Variants in KCND3 observed in about 807,000 individuals in gnomAD.
KCND3 encodes the protein A-type voltage-gated potassium channel KCND3.
In KCND3, 9 loss-of-function variants were observed where a neutral mutation model predicts 51.1. The observed-to-expected ratio is 0.18, with a 90% CI of 0.11 to 0.31. The LOEUF is 0.31. KCND3 is among the 10% of genes least tolerant of loss of function. The pLI, the probability that KCND3 is intolerant of heterozygous loss-of-function variation, is 1.00. For synonymous variants in KCND3, 349 were observed against 368.0 expected, an observed-to-expected ratio of 0.95 and a Z score of 0.59; for missense variants, 526 against 903.8, an observed-to-expected ratio of 0.58 and a Z score of 5.36.
chr1:111,898,960 C>G (rs1261331187), intron 2 of KCND3, among the ~76,000 whole-genome samples: 3 of 152,184 alleles, frequency 2.0e-5, no homozygotes, highest in Non-Finnish European at 4.4e-5. Flanking sequence ...TTTTTCCCAT[C>G]ATCAATTATA....
At chr1:111,934,345 G>A (rs906456637) in intron 2 of KCND3, among the ~76,000 whole-genome samples, 3 of 152,182 alleles carry the variant, frequency 2.0e-5, no homozygotes, top group Admixed American at 6.5e-5. Context: ...CAGACGTGGG[G>A]CTCAGCCCAA....
Position 111,774,420 on chromosome 1 carries a change from GA to G in KCND3, c.*1656del, listed in dbSNP as rs1461615915. ...CAGGAAAGGACTTGTCACTAACCCTGAGGCCCACCTACTCTGCTACAAGCAG... is the reference window on the plus strand; with the variant it reads ...CAGGAAAGGACTTGTCACTAACCCTGGGCCCACCTACTCTGCTACAAGCAG... On this transcript the variant is annotated 3_prime_UTR_variant, in exon 8 of 8. Transcript: ENST00000302127. The G allele has an allele frequency of 3.9e-5, 6 of 152,236 alleles. No individual in the cohort carries two copies. Among genetic ancestry groups the G allele is most frequent in the African/African-American group, 1.4e-4 (6 of 41,440 alleles). 9.4% of individuals were successfully genotyped at this position (152,236 alleles called of 1,614,324 possible).
At chr1:111,839,629 T>G (rs1451778521) in intron 2 of KCND3, among the ~76,000 whole-genome samples, 2 of 152,270 alleles carry the variant, frequency 1.3e-5, no homozygotes, top group Non-Finnish European at 2.9e-5. Flanking sequence ...ATACTAATGA[T>G]GGCTAATATG....
intron 2 of KCND3, among the ~76,000 whole-genome samples, chr1:111,802,855 A>G (rs1665381410): frequency 6.6e-6 from 1 of 152,224 alleles, no homozygotes; most frequent in African/African-American, 2.4e-5. Context: ...GCAAGCTTCC[A>G]GCTCTGGGCT....
At chr1:111,920,425 GC>G (rs1671425127) in intron 2 of KCND3, among the ~76,000 whole-genome samples, 1 of 152,240 alleles carries the variant, frequency 6.6e-6, no homozygotes, top group Non-Finnish European at 1.5e-5. Context: ...TCTAAAAATA[GC>G]CAGGCAATGA....
chr1:111,815,460 C>T (rs1666043869), intron 2 of KCND3, among the ~76,000 whole-genome samples: 1 of 151,124 alleles, frequency 6.6e-6, no homozygotes, highest in African/African-American at 2.4e-5. Context: ...TAGTAAGAAT[C>T]CTGCTAAATG....
chr1:111,843,616 G>A (rs1667425164), intron 2 of KCND3, among the ~76,000 whole-genome samples: 1 of 152,174 alleles, frequency 6.6e-6, no homozygotes, highest in South Asian at 2.1e-4. Flanking sequence ...CTTCTGCCCT[G>A]CATTTCAGGG....
chr1:111,941,703 C>T (rs1299895904), intron 2 of KCND3, among the ~76,000 whole-genome samples: 2 of 152,178 alleles, frequency 1.3e-5, no homozygotes, highest in Non-Finnish European at 2.9e-5. Flanking sequence ...AGGGGGACCC[C>T]GCAGCCCTGA....
chr1:111,895,815 C>G (rs1481439361), intron 2 of KCND3, among the ~76,000 whole-genome samples: 2 of 152,238 alleles, frequency 1.3e-5, no homozygotes, highest in African/African-American at 4.8e-5. Context: ...CGGGGCCAGC[C>G]GGCTGGTGTG....
chr1:111,913,032 C>T (rs1347760849), intron 2 of KCND3, among the ~76,000 whole-genome samples: 4 of 152,216 alleles, frequency 2.6e-5, no homozygotes, highest in African/African-American at 9.7e-5. Flanking sequence ...TCACCCCTCA[C>T]ACAGCCTCAC....
intron 2 of KCND3, among the ~76,000 whole-genome samples, chr1:111,813,285 C>T (rs1665940053): frequency 6.6e-6 from 1 of 152,186 alleles, no homozygotes; most frequent in Non-Finnish European, 1.5e-5. Context: ...GATCAGACTC[C>T]AGTCCCTCAA....
intron 2 of KCND3, among the ~76,000 whole-genome samples, chr1:111,845,213 CCTCCTGTTGCAATTCAATT>C (rs1363956699): frequency 1.3e-5 from 2 of 151,956 alleles, no homozygotes; most frequent in African/African-American, 4.8e-5. Flanking sequence ...GAAAACTGCC[CCTCCTGTTGCAATTCAATT>C]CTCCTGGCTT....
At chr1:111,928,993 C>T (rs1467696498) in intron 2 of KCND3, among the ~76,000 whole-genome samples, 9 of 152,242 alleles carry the variant, frequency 5.9e-5, no homozygotes, top group African/African-American at 9.6e-5. Flanking sequence ...GGAATCCAAA[C>T]GGCTCTGGCA....
At chr1:111,787,960 T>G (rs143301391) in intron 2 of KCND3, among the ~76,000 whole-genome samples, 34 of 152,356 alleles carry the variant, frequency 2.2e-4, no homozygotes, top group African/African-American at 8.2e-4. Flanking sequence ...CCAGTAGCCA[T>G]AGCATCTCAG....
intron 2 of KCND3, among the ~76,000 whole-genome samples, chr1:111,795,315 A>G (rs1431860569): frequency 6.6e-6 from 1 of 152,250 alleles, no homozygotes; most frequent in African/African-American, 2.4e-5. Flanking sequence ...GGAATCTTGA[A>G]GTTCCTCTGA....
intron 2 of KCND3, chr1:111,910,977 G>C (rs1012397821): frequency 2.0e-5 from 3 of 152,226 alleles, no homozygotes; most frequent in African/African-American, 7.2e-5. Flanking sequence ...ATCGTGAATA[G>C]ACCTATGGTT....
intron 1 of KCND3, among the ~76,000 whole-genome samples, chr1:111,988,547 A>G (rs765509745): frequency 6.6e-6 from 1 of 152,152 alleles, no homozygotes. Context: ...CATGCTTTGT[A>G]TTGAATTCGT....
At chr1:111,858,480 TA>T (rs1189742960) in intron 2 of KCND3, among the ~76,000 whole-genome samples, 1 of 152,196 alleles carries the variant, frequency 6.6e-6, no homozygotes, top group Non-Finnish European at 1.5e-5. Flanking sequence ...AAAAACTTTT[TA>T]AAAATTAGAC....
At chr1:111,783,199 CAAA>C (rs67241053) in intron 3 of KCND3, among the ~76,000 whole-genome samples, 738 of 72,338 alleles carry the variant, frequency 0.01, 6 homozygotes, top group African/African-American at 0.031. Context: ...AATTCAAAGA[CAAA>C]AAAAAAAAAA....
Sources: allele counts gnomAD v4.1 joint callset (sites outside exome capture counted in the v4.1 genomes callset), GRCh38; gene constraint gnomAD v4.1.1; transcripts MANE v1.5; gene names NCBI Gene and HGNC (gene_info 2026-07-23, HGNC 2026-07-21).